The following NEDD9 variants were observed in gnomAD, a reference collection of about 807,000 sequenced individuals.
NEDD9 encodes enhancer of filamentation 1.
In NEDD9, 26 loss-of-function variants were observed where a neutral mutation model predicts 76.6. The observed-to-expected ratio is 0.34, with a 90% CI of 0.25 to 0.47. The LOEUF is 0.47. Among genes scored for constraint, NEDD9 ranks in the 20% least tolerant of loss-of-function variants. NEDD9 has a pLI of 1.00. For missense variants in NEDD9, 937 were observed against 1,058.5 expected (o/e 0.89, Z 1.59); for synonymous variants, 392 against 414.2 (o/e 0.95, Z 0.65).
intron 1 of NEDD9, 46 bp downstream of exon 1, chr6:11,232,458 C>G: frequency 6.2e-7 from 1 of 1,612,746 alleles, no homozygotes; most frequent in African/African-American, 1.3e-5. Context: ...CACCCGCAGG[C>G]ACAGCTTTCA....
intron 2 of NEDD9, among the ~76,000 whole-genome samples, chr6:11,317,102 A>G (rs969210937): frequency 3.3e-5 from 5 of 152,190 alleles, no homozygotes; most frequent in African/African-American, 1.2e-4. Flanking sequence ...CAGTTAAAGC[A>G]AGAGAGCTTA....
chr6:11,272,317 G>A (rs1333195561), intron 3 of NEDD9, among the ~76,000 whole-genome samples: 2 of 152,180 alleles, frequency 1.3e-5, no homozygotes, highest in Non-Finnish European at 2.9e-5. Flanking sequence ...GAAGAGAGGG[G>A]CGACTCAGTA....
intron 1 of NEDD9, among the ~76,000 whole-genome samples, chr6:11,338,083 G>A (rs927139936): frequency 4.6e-5 from 7 of 152,108 alleles, no homozygotes; most frequent in Non-Finnish European, 8.8e-5. Context: ...AAGCCCCAGT[G>A]CCTCAGAATG....
chr6:11,313,123 T>TAGATG (rs1440669214), intron 2 of NEDD9, among the ~76,000 whole-genome samples: 1 of 151,756 alleles, frequency 6.6e-6, no homozygotes, highest in Admixed American at 6.6e-5. Context: ...AATGGATGGG[T>TAGATG]AGATGAATGG....
chr6:11,376,067 G>C (rs570177859), intron 1 of NEDD9, among the ~76,000 whole-genome samples: 13 of 152,266 alleles, frequency 8.5e-5, no homozygotes, highest in Non-Finnish European at 1.9e-4. Flanking sequence ...CTCGTGATCC[G>C]CCCGTCTCGG....
chr6:11,379,960 A>G (rs1416070133), intron 1 of NEDD9, among the ~76,000 whole-genome samples: 3 of 152,236 alleles, frequency 2.0e-5, no homozygotes, highest in Non-Finnish European at 4.4e-5. Context: ...GTGACAGATA[A>G]GCAGGACAAA....
chr6:11,242,472 C>G (rs973982990), intron 3 of NEDD9, among the ~76,000 whole-genome samples: 4 of 152,102 alleles, frequency 2.6e-5, no homozygotes, highest in Non-Finnish European at 5.9e-5. Flanking sequence ...AGAAGAAAGG[C>G]TGTGCCCTCC....
chr6:11,282,432 G>A (rs940014724), intron 3 of NEDD9, among the ~76,000 whole-genome samples: 3 of 152,116 alleles, frequency 2.0e-5, no homozygotes, highest in Non-Finnish European at 2.9e-5. Context: ...GACCACAAAC[G>A]GAAGTCTCTC....
chr6:11,195,064 T>C (rs1024439161), intron 2 of NEDD9, among the ~76,000 whole-genome samples: 1 of 152,200 alleles, frequency 6.6e-6, no homozygotes, highest in African/African-American at 2.4e-5. Flanking sequence ...AAGTGAAAAC[T>C]CTGGCGTCAG....
chr6:11,329,824 T>C (rs1248126560), intron 2 of NEDD9, among the ~76,000 whole-genome samples: 1 of 152,106 alleles, frequency 6.6e-6, no homozygotes, highest in South Asian at 2.1e-4. Flanking sequence ...CTAAACATCC[T>C]ATAATGCACA....
chr6:11,289,974 G>C (rs560286223), intron 3 of NEDD9, among the ~76,000 whole-genome samples: 2 of 152,208 alleles, frequency 1.3e-5, no homozygotes, highest in East Asian at 3.9e-4. Flanking sequence ...CTCTGTAATG[G>C]TAAAGTCAGA....
intron 1 of NEDD9, among the ~76,000 whole-genome samples, chr6:11,228,562 G>GTA (rs1759376805): frequency 2.3e-5 from 1 of 43,294 alleles, no homozygotes; most frequent in Non-Finnish European, 4.1e-5. Flanking sequence ...GGAGAGGAAG[G>GTA]TGTTTTTTTC....
intron 1 of NEDD9, among the ~76,000 whole-genome samples, chr6:11,358,204 A>G (rs560249983): frequency 7.1e-6 from 1 of 140,594 alleles, no homozygotes; most frequent in African/African-American, 2.7e-5. Context: ...AGCTGAGATC[A>G]CGCCACTGCA....
intron 3 of NEDD9, among the ~76,000 whole-genome samples, chr6:11,267,734 G>A (rs1464673598): frequency 6.6e-6 from 1 of 152,102 alleles, no homozygotes; most frequent in East Asian, 1.9e-4. Context: ...GTCTGGGGGA[G>A]AAAAATGGCC....
intron 2 of NEDD9, among the ~76,000 whole-genome samples, chr6:11,330,544 C>T (rs1762013808): frequency 6.6e-6 from 1 of 152,170 alleles, no homozygotes; most frequent in Non-Finnish European, 1.5e-5. Flanking sequence ...TCCTCATATA[C>T]ACTCTGCTGA....
chr6:11,239,979 G>T (rs1304512062), intron 3 of NEDD9, among the ~76,000 whole-genome samples: 3 of 146,496 alleles, frequency 2.0e-5, no homozygotes, highest in African/African-American at 7.6e-5. Flanking sequence ...GGGAGGCGGA[G>T]ATTTCAGTGA....
chr6:11,204,756 AAAAGG>A (rs1205692043), intron 2 of NEDD9, among the ~76,000 whole-genome samples: 2 of 151,168 alleles, frequency 1.3e-5, no homozygotes, highest in Non-Finnish European at 1.5e-5. Context: ...GAAAGAAAAG[AAAAGG>A]AAAGAAAAGA....
intron 2 of NEDD9, among the ~76,000 whole-genome samples, chr6:11,209,194 A>G (rs2113752460): frequency 6.6e-6 from 1 of 152,262 alleles, no homozygotes; most frequent in Non-Finnish European, 1.5e-5. Flanking sequence ...ATTAATTTCT[A>G]TTTTGCAGTT....
intron 3 of NEDD9, among the ~76,000 whole-genome samples, chr6:11,283,864 A>G (rs1341843850): frequency 6.6e-6 from 1 of 152,104 alleles, no homozygotes; most frequent in African/African-American, 2.4e-5. Context: ...GCAAGGGTGG[A>G]TGGTAGTAGT....
Sources: allele counts gnomAD v4.1 joint callset (sites outside exome capture counted in the v4.1 genomes callset), GRCh38; gene constraint gnomAD v4.1.1; transcripts MANE v1.5; gene names NCBI Gene and HGNC (gene_info 2026-07-23, HGNC 2026-07-21).